Variants in LUZP2 observed in about 807,000 individuals in gnomAD.
The protein encoded by LUZP2 is leucine zipper protein 2.
LUZP2 carries 52 observed loss-of-function variants against 51.6 expected under a neutral mutation model. The observed-to-expected ratio is 1.01, with a 90% confidence interval of 0.81 to 1.27. The LOEUF is 1.27. LUZP2 is among the 50% of genes most tolerant of loss of function. LUZP2 has a pLI of 0.00. For missense variants in LUZP2, 436 were observed against 395.4 expected (o/e 1.10, Z -0.87); for synonymous variants, 154 against 137.3 (o/e 1.12, Z -0.85).
chr11:25,000,626 T>C (rs7939477), intron 9 of LUZP2, among the ~76,000 whole-genome samples: 59,148 of 152,036 alleles, frequency 0.39, 13,797 homozygotes, highest in East Asian at 0.69. Context: ...GGAGAAGCCA[T>C]GTTGCCCAAC....
At chr11:24,722,631 T>C (rs1858319713) in intron 1 of LUZP2, among the ~76,000 whole-genome samples, 1 of 151,994 alleles carries the variant, frequency 6.6e-6, no homozygotes, top group African/African-American at 2.4e-5. Context: ...AGATTGAAAA[T>C]TCAGGGCCAG....
chr11:24,883,766 A>T (rs2134302425), intron 5 of LUZP2, among the ~76,000 whole-genome samples: 1 of 152,200 alleles, frequency 6.6e-6, no homozygotes, highest in East Asian at 1.9e-4. Context: ...TTTGTCTTAA[A>T]CGACAGTTTG....
At chr11:24,877,542 A>C (rs1303975761) in intron 5 of LUZP2, among the ~76,000 whole-genome samples, 1 of 152,180 alleles carries the variant, frequency 6.6e-6, no homozygotes, top group Non-Finnish European at 1.5e-5. Flanking sequence ...TAATCACATC[A>C]TGGAAAATGG....
intron 9 of LUZP2, among the ~76,000 whole-genome samples, chr11:25,034,344 T>G (rs1315340950): frequency 3.3e-5 from 5 of 152,286 alleles, no homozygotes; most frequent in African/African-American, 9.6e-5. Context: ...GATGCCTAGT[T>G]TACAAATATC....
At chr11:24,641,182 T>G (rs2133945333) in intron 1 of LUZP2, among the ~76,000 whole-genome samples, 1 of 151,768 alleles carries the variant, frequency 6.6e-6, no homozygotes, top group African/African-American at 2.4e-5. Context: ...CCCACAGTGC[T>G]AAGATTACAG....
chr11:24,662,050 A>G (rs890616676), intron 1 of LUZP2, among the ~76,000 whole-genome samples: 8 of 152,146 alleles, frequency 5.3e-5, no homozygotes, highest in Non-Finnish European at 8.8e-5. Flanking sequence ...CCGACAGGCA[A>G]ACAGGGAATT....
intron 9 of LUZP2, among the ~76,000 whole-genome samples, chr11:24,998,254 A>G (rs1288696591): frequency 2.0e-5 from 3 of 152,186 alleles, no homozygotes; most frequent in African/African-American, 4.8e-5. Flanking sequence ...ACCCATGAGC[A>G]TGGAATGTTC....
At chr11:25,006,201 T>C (rs1856830998) in intron 9 of LUZP2, among the ~76,000 whole-genome samples, 1 of 152,060 alleles carries the variant, frequency 6.6e-6, no homozygotes, top group Non-Finnish European at 1.5e-5. Flanking sequence ...CTAGAAATCA[T>C]TCTTACAGGA....
intron 1 of LUZP2, among the ~76,000 whole-genome samples, chr11:24,551,610 T>C (rs1858158): frequency 1 from 151,378 of 152,096 alleles, 75,332 homozygotes; most frequent in East Asian, 1. Flanking sequence ...TTTCAAAAAT[T>C]TTTTTAAAAA....
intron 1 of LUZP2, among the ~76,000 whole-genome samples, chr11:24,699,751 T>TTATA (rs35901217): frequency 2.0e-5 from 3 of 147,258 alleles, no homozygotes; most frequent in South Asian, 4.2e-4. Flanking sequence ...TACATATAAT[T>TTATA]TATATATATA....
chr11:25,000,048 A>AACCATTTTACAGAGTGCTGATTGG (rs1856634856), intron 9 of LUZP2, among the ~76,000 whole-genome samples: 1 of 150,794 alleles, frequency 6.6e-6, no homozygotes, highest in Non-Finnish European at 1.5e-5. Context: ...GCACTGATTG[A>AACCATTTTACAGAGTGCTGATTGG]TCCATTTTAC....
intron 5 of LUZP2, chr11:24,892,460 C>T (rs1565065288): frequency 1.0e-5 from 9 of 875,456 alleles, no homozygotes; most frequent in African/African-American, 1.8e-5. Flanking sequence ...TTATACCATC[C>T]AGAAAAAGTT....
chr11:24,624,482 T>C (rs1243702728), intron 1 of LUZP2, among the ~76,000 whole-genome samples: 2 of 152,154 alleles, frequency 1.3e-5, no homozygotes, highest in African/African-American at 2.4e-5. Flanking sequence ...AAAGTCAAAG[T>C]ATAAAACATA....
At chr11:24,917,358 T>G (rs1184253181) in intron 7 of LUZP2, among the ~76,000 whole-genome samples, 1 of 152,204 alleles carries the variant, frequency 6.6e-6, no homozygotes, top group Non-Finnish European at 1.5e-5. Flanking sequence ...ATTTGTCAAT[T>G]TTGACTTTTG....
intron 5 of LUZP2, among the ~76,000 whole-genome samples, chr11:24,836,663 A>C (rs996893340): frequency 3.9e-5 from 6 of 151,918 alleles, no homozygotes; most frequent in African/African-American, 1.4e-4. Context: ...GAGATACTAC[A>C]CAAGGGAACT....
intron 5 of LUZP2, among the ~76,000 whole-genome samples, chr11:24,869,057 G>A (rs1328815367): frequency 6.6e-6 from 1 of 152,138 alleles, no homozygotes; most frequent in South Asian, 2.1e-4. Flanking sequence ...AAAGAAGGGA[G>A]AGATTTTGCA....
intron 1 of LUZP2, among the ~76,000 whole-genome samples, chr11:24,720,685 GTTC>G (rs113486639): frequency 0.34 from 51,103 of 151,676 alleles, 9,169 homozygotes; most frequent in Non-Finnish European, 0.41. Flanking sequence ...ATTCAGACCT[GTTC>G]TTTTGTTTGT....
At chr11:24,966,518 T>G (rs1855585865) in intron 7 of LUZP2, among the ~76,000 whole-genome samples, 1 of 150,356 alleles carries the variant, frequency 6.7e-6, no homozygotes, top group South Asian at 2.1e-4. Context: ...GTTTGAGCTT[T>G]TACATTTAGG....
intron 1 of LUZP2, among the ~76,000 whole-genome samples, chr11:24,637,268 AC>A (rs1855137297): frequency 6.6e-6 from 1 of 151,722 alleles, no homozygotes; most frequent in Non-Finnish European, 1.5e-5. Context: ...CCAAATTAAT[AC>A]TTTTATAATT....
Sources: gnomAD v4.1 joint callset for allele counts (sites outside exome capture counted in the v4.1 genomes callset) on GRCh38, gnomAD v4.1.1 for gene constraint, MANE v1.5 for transcripts, NCBI Gene and HGNC (gene_info 2026-07-23, HGNC 2026-07-21) for gene names.